Variants in TRAPPC6B observed in about 807,000 individuals in gnomAD.
TRAPPC6B encodes TRAPP complex subunit 6B.
TRAPPC6B carries 27 observed loss-of-function variants against 24.7 expected under a neutral mutation model. The observed-to-expected ratio is 1.09, with a 90% CI of 0.81 to 1.51. The LOEUF is 1.51. Among genes scored for constraint, TRAPPC6B ranks in the 40% most tolerant of loss-of-function variants. The probability of loss-of-function intolerance (pLI) is 0.00; values close to 1 mark genes in which losing one functional copy is unlikely to be tolerated. For synonymous variants in TRAPPC6B, 80 were observed against 66.6 expected, an observed-to-expected ratio of 1.20 and a Z score of -0.98; for missense variants, 212 against 190.8, an observed-to-expected ratio of 1.11 and a Z score of -0.66.
At chr14:39,169,412 C>A (rs1251684295) in intron 1 of TRAPPC6B, among the ~76,000 whole-genome samples, 1 of 152,190 alleles carries the variant, frequency 6.6e-6, no homozygotes, top group Non-Finnish European at 1.5e-5. Context: ...AAGGATGGGG[C>A]CATTGTTTCA....
chr14:39,166,330 T>C (rs2053108643), intron 1 of TRAPPC6B, among the ~76,000 whole-genome samples: 2 of 151,880 alleles, frequency 1.3e-5, no homozygotes, highest in African/African-American at 4.8e-5. Context: ...TTTGGAATAA[T>C]CTGCTCTCTG....
At chr14:39,154,660 T>C (rs1199059320) in intron 3 of TRAPPC6B, among the ~76,000 whole-genome samples, 1 of 152,070 alleles carries the variant, frequency 6.6e-6, no homozygotes, top group East Asian at 1.9e-4. Context: ...GCTCAAGCAA[T>C]CTGCCCACCT....
At chr14:39,160,460 T>G (rs2053042367) in intron 1 of TRAPPC6B, among the ~76,000 whole-genome samples, 1 of 151,872 alleles carries the variant, frequency 6.6e-6, no homozygotes. Flanking sequence ...TGTGCCATTT[T>G]GGAGGCTGAT....
chr14:39,154,054 T>C (rs1428341637), intron 4 of TRAPPC6B, among the ~76,000 whole-genome samples, 157 bp downstream of exon 4: 1 of 152,218 alleles, frequency 6.6e-6, no homozygotes, highest in East Asian at 1.9e-4. Flanking sequence ...CAGTTTAGTG[T>C]TATTGTAACA....
chr14:39,154,714 C>T (rs2052955610), intron 3 of TRAPPC6B, among the ~76,000 whole-genome samples: 2 of 152,148 alleles, frequency 1.3e-5, no homozygotes, highest in East Asian at 3.9e-4. Context: ...GCCCACGTGC[C>T]CAGCCTGGTC....
chr14:39,169,134 G>A (rs1306319986), intron 1 of TRAPPC6B, among the ~76,000 whole-genome samples: 1 of 152,136 alleles, frequency 6.6e-6, no homozygotes, highest in Non-Finnish European at 1.5e-5. Context: ...TAGCATTAAA[G>A]AAAGGGCTCC....
chr14:39,157,174 T>C, intron 3 of TRAPPC6B: 1 of 267,836 alleles, frequency 3.7e-6, no homozygotes, highest in South Asian at 4.4e-5. Context: ...GGCCTAAGAA[T>C]TCTGGCATTG....
chr14:39,148,806 G>A lies in TRAPPC6B; in HGVS notation c.*1544C>T, dbSNP rs2052884517. 2.5e-6 allele frequency: 1 copy of A among 398,242 alleles called. No individual in the cohort carries two copies. The highest frequency in any genetic ancestry group is 4.4e-6 in the Non-Finnish European group (1 of 225,892). 24.7% of individuals were successfully genotyped at this position (398,242 alleles called of 1,614,324 possible). ...CATTCTGAGAAATGCATCATCATTAGGAGATTTTAAAATTGTACAATCACA... is the reference window on the plus strand; with the variant it reads ...CATTCTGAGAAATGCATCATCATTAAGAGATTTTAAAATTGTACAATCACA... On this transcript the variant is annotated 3_prime_UTR_variant, in exon 6 of 6. Coordinates refer to ENST00000330149, the MANE Select transcript of TRAPPC6B (RefSeq NM_001079537.2).
chr14:39,170,318 G>A lies in TRAPPC6B; in HGVS notation c.-223C>T. 1.8e-6 allele frequency: 1 copy of A among 561,748 alleles called. No homozygotes were observed. The highest frequency in any genetic ancestry group is 3.1e-6 in the Non-Finnish European group (1 of 319,806). 34.8% of individuals were successfully genotyped at this position (561,748 alleles called of 1,614,324 possible). A position where few individuals can be genotyped will look rare whatever the true frequency, so the allele number is the denominator to read the frequency against. On this transcript the variant is annotated 5_prime_UTR_variant, in exon 1 of 6. Coordinates refer to ENST00000330149, the MANE Select transcript of TRAPPC6B (RefSeq NM_001079537.2). Reference sequence around the variant, plus strand: ...ACACTTCGGGGCTACCAAATCCTAGGGCCGAACTAAAGTCTGACGGGAGCT... The same window carrying A: ...ACACTTCGGGGCTACCAAATCCTAGAGCCGAACTAAAGTCTGACGGGAGCT...
intron 5 of TRAPPC6B, among the ~76,000 whole-genome samples, chr14:39,150,604 T>C (rs1348932386): frequency 6.6e-6 from 1 of 152,196 alleles, no homozygotes; most frequent in East Asian, 1.9e-4. Flanking sequence ...AGTGGCACGA[T>C]CTCTGCTCAC....
At chr14:39,156,241 C>G (rs184111941) in intron 3 of TRAPPC6B, among the ~76,000 whole-genome samples, 1 of 152,288 alleles carries the variant, frequency 6.6e-6, no homozygotes, top group African/African-American at 2.4e-5. Flanking sequence ...TCCCAGAACT[C>G]TGGGAGGCCA....
rs779564239 is a variant in TRAPPC6B, at chr14:39,159,489, A to G, written c.143T>C (p.Ile48Thr). 2.5e-6 allele frequency: 4 copies of G among 1,592,246 alleles called. No homozygotes were observed. The highest frequency in any genetic ancestry group is 2.3e-5 in the East Asian group (1 of 43,848). Residue 48 changes from isoleucine (I) to threonine (T), a missense_variant, in exon 2 of 6, where the codon ATA becomes ACA. By Grantham distance (89) the Ile-to-Thr change is moderately conservative. Transcript: ENST00000330149. ...TCAAATCCAACCTGCTCACCTTTCTATCAATCCTTGTCCCACTCGAAACCC... is the reference window on the plus strand; with the variant it reads ...TCAAATCCAACCTGCTCACCTTTCTGTCAATCCTTGTCCCACTCGAAACCC... ...NMGFRVGQGL[I>T]ERFTKDTARF...
At chr14:39,162,450 C>T (rs2053069604) in intron 1 of TRAPPC6B, among the ~76,000 whole-genome samples, 1 of 152,114 alleles carries the variant, frequency 6.6e-6, no homozygotes, top group South Asian at 2.1e-4. Flanking sequence ...AGCCACTGCA[C>T]CTGGCACAAG....
At chr14:39,158,498 G>A in intron 2 of TRAPPC6B, 96 bp from the exon 3 acceptor site, 3 of 725,660 alleles carry the variant, frequency 4.1e-6, no homozygotes, top group East Asian at 5.5e-5. Flanking sequence ...GAACAGCACT[G>A]AACATTTATT....
At chr14:39,151,016 T>C (rs61999444) in intron 5 of TRAPPC6B, among the ~76,000 whole-genome samples, 20,147 of 152,104 alleles carry the variant, frequency 0.13, 1,393 homozygotes, top group Middle Eastern at 0.17. Context: ...GAAAAGATCT[T>C]TAGGGAGACA....
intron 3 of TRAPPC6B, chr14:39,157,582 C>A: frequency 2.6e-6 from 1 of 377,536 alleles, no homozygotes. Context: ...TGCCTTGTGT[C>A]ATAAAATGGG....
chr14:39,167,241 A>G (rs754236412), intron 1 of TRAPPC6B, among the ~76,000 whole-genome samples: 1 of 152,254 alleles, frequency 6.6e-6, no homozygotes, highest in African/African-American at 2.4e-5. Flanking sequence ...ATGCCCAATT[A>G]GTCCATTTTA....
intron 3 of TRAPPC6B, among the ~76,000 whole-genome samples, chr14:39,155,521 G>A (rs1231503612): frequency 3.3e-5 from 5 of 151,416 alleles, no homozygotes; most frequent in African/African-American, 4.9e-5. Flanking sequence ...GATTATAGGC[G>A]TGAGCCACCG....
chr14:39,153,253 C>T (rs1245403375), intron 4 of TRAPPC6B, among the ~76,000 whole-genome samples: 3 of 139,112 alleles, frequency 2.2e-5, no homozygotes, highest in Admixed American at 1.5e-4. Flanking sequence ...ACACTCTGTC[C>T]GAAAAAAAAA....
Sources: allele counts gnomAD v4.1 joint callset (sites outside exome capture counted in the v4.1 genomes callset), GRCh38; gene constraint gnomAD v4.1.1; transcripts MANE v1.5; gene names NCBI Gene and HGNC (gene_info 2026-07-23, HGNC 2026-07-21).